SYCE1: variants seen among roughly 807,000 people sequenced by gnomAD.
SYCE1 encodes synaptonemal complex central element protein 1, also known as cancer/testis antigen 76.
SYCE1 carries 37 observed loss-of-function variants against 55.1 expected under a neutral mutation model. That is an observed-to-expected ratio of 0.67 (90% CI 0.52 to 0.88). SYCE1 has a LOEUF of 0.88. SYCE1 is among the 40% of genes least tolerant of loss of function. The pLI is 0.00. For synonymous variants in SYCE1, 163 were observed against 159.4 expected, an observed-to-expected ratio of 1.02 and a Z score of -0.17; for missense variants, 399 against 416.4, an observed-to-expected ratio of 0.96 and a Z score of 0.36.
rs763525580 is a variant in SYCE1, at chr10:133,555,831, G to A, written c.668C>T (p.Ser223Phe). Residue 223 changes from serine (S) to phenylalanine (F), a missense_variant, in exon 10 of 13, where the codon TCC becomes TTC. By Grantham distance (155) the Ser-to-Phe change is radical. Coordinates refer to ENST00000343131, the MANE Select transcript of SYCE1 (RefSeq NM_001143764.3). Reference protein sequence around the residue: ...LCSLCGAEGPSTLDEGLFLRS... With the variant: ...LCSLCGAEGPFTLDEGLFLRS... Reference sequence around the variant, plus strand: ...GAGAAAGAGTCCCTCATCAAGGGTGGAGGGGCCCTCAGCCCCACACAGGGA... The same window carrying A: ...GAGAAAGAGTCCCTCATCAAGGGTGAAGGGGCCCTCAGCCCCACACAGGGA... 3.7e-6 allele frequency: 6 copies of A among 1,613,884 alleles called. No individual in the cohort carries two copies. Among genetic ancestry groups the A allele is most frequent in the Admixed American group, 1.7e-5 (1 of 60,018 alleles).
chr10:133,558,256 T>G, intron 4 of SYCE1, 42 bp from the exon 5 acceptor site: 2 of 1,606,208 alleles, frequency 1.2e-6, no homozygotes, highest in South Asian at 2.2e-5. Flanking sequence ...GACTATGCAC[T>G]GCACCCTCAG....
chr10:133,555,573 C>A, intron 11 of SYCE1, 24 bp downstream of exon 11: 1 of 1,600,980 alleles, frequency 6.2e-7, no homozygotes, highest in Non-Finnish European at 8.5e-7. Flanking sequence ...GTGGGGGTTG[C>A]GGGGACAGGG....
Position 133,558,828 on chromosome 10 carries a change from G to C in SYCE1, c.271+49C>G, listed in dbSNP as rs769307065. The C allele has an allele frequency of 3.8e-6, 6 of 1,582,706 alleles. No individual in the cohort carries two copies. In the African/African-American group the frequency reaches 8.1e-5, roughly 21 times the overall value. ...GATTATCTGGAATACAGGGTTAGGG[G>C]AGGCTTAAGACACTGTGGGGACCTC... is the stretch of plus-strand genomic sequence containing the variant. On this transcript the variant is annotated intron_variant, in intron 4 of 12. Transcript: ENST00000343131.
chr10:133,560,193 C>T (rs760720379), intron 1 of SYCE1, 40 bp from the exon 2 acceptor site: 14 of 1,588,012 alleles, frequency 8.8e-6, no homozygotes, highest in East Asian at 6.7e-5. Flanking sequence ...TCAAGCAGGG[C>T]GAGAGGCCAC....
At chr10:133,567,124 A>G (rs1180888898), upstream of SYCE1, among the ~76,000 whole-genome samples, 1 of 148,400 alleles carries the variant, frequency 6.7e-6, no homozygotes. Flanking sequence ...GGTTGAGGTT[A>G]TGAGTTGAGG....
downstream of SYCE1, chr10:133,554,783 C>T (rs908160183): frequency 2.6e-5 from 38 of 1,470,812 alleles, no homozygotes; most frequent in Non-Finnish European, 2.8e-5. Flanking sequence ...CTCGGGCCTG[C>T]ATCCCTCTGC....
At chr10:133,553,993 GT>G, downstream of SYCE1, 1 of 275,220 alleles carries the variant, frequency 3.6e-6, no homozygotes, top group Non-Finnish European at 6.8e-6. Context: ...ACAATCATTG[GT>G]TGATTTCTTA....
upstream of SYCE1, among the ~76,000 whole-genome samples, chr10:133,567,087 A>C (rs538255253): frequency 3.7e-3 from 562 of 150,038 alleles, 5 homozygotes; most frequent in Middle Eastern, 0.025. Flanking sequence ...GGCTAGCATT[A>C]GGGTAGGGGT....
At chr10:133,555,561 T>G in intron 11 of SYCE1, 36 bp downstream of exon 11, 1 of 1,601,956 alleles carries the variant, frequency 6.2e-7, no homozygotes, top group Non-Finnish European at 8.5e-7. Context: ...GTCATCTTCC[T>G]GGTGGGGGTT....
chr10:133,554,885 C>T lies in SYCE1; in HGVS notation c.*107G>A. ...GCATTTATTGAAAACCTGTGATGTA[C>T]CTCTGGCCCAGACCAAGAGGCAGAG... On this transcript the variant is annotated 3_prime_UTR_variant, in exon 13 of 13. Transcript: ENST00000343131. The T allele has an allele frequency of 1.4e-6, 2 of 1,460,838 alleles. No individual in the cohort carries two copies. Among genetic ancestry groups the T allele is most frequent in the Non-Finnish European group, 9.0e-7 (1 of 1,106,232 alleles). 90.5% of individuals were successfully genotyped at this position (1,460,838 alleles called of 1,614,324 possible).
chr10:133,557,997 T>A (rs189399473), intron 5 of SYCE1, 79 bp from the exon 6 acceptor site: 1 of 1,573,026 alleles, frequency 6.4e-7, no homozygotes, highest in Non-Finnish European at 8.7e-7. Context: ...CCAGATCATG[T>A]CAGGTCTGTG....
At chr10:133,565,617 A>G, upstream of SYCE1, 2 of 1,368,700 alleles carry the variant, frequency 1.5e-6, no homozygotes, top group Non-Finnish European at 2.0e-6. Context: ...GACTCCAGGC[A>G]GCGCGCCTGC....
chr10:133,566,079 G>A (rs1414596714), upstream of SYCE1, among the ~76,000 whole-genome samples: 1 of 152,216 alleles, frequency 6.6e-6, no homozygotes, highest in Non-Finnish European at 1.5e-5. Context: ...CCTAGGCCGC[G>A]TTCCCGTGAG....
rs1217044039 is a variant in SYCE1, at chr10:133,557,072, C to T, written c.459G>A (p.Gln153=). 1.2e-6 allele frequency: 2 copies of T among 1,614,044 alleles called. No individual in the cohort carries two copies. The highest frequency in any genetic ancestry group is 3.3e-5 in the Admixed American group (2 of 60,028). The change falls in exon 7 of 13, where the codon CAG becomes CAA. Residue 153 remains glutamine (Q), a synonymous_variant. Coordinates refer to ENST00000343131, the MANE Select transcript of SYCE1 (RefSeq NM_001143764.3). ...CCTCAGATGCTAAGGTTTACCTCAGCTGTCTCTGTTTGTTCTTCTCTTCTT... is the reference window on the plus strand; with the variant it reads ...CCTCAGATGCTAAGGTTTACCTCAGTTGTCTCTGTTTGTTCTTCTCTTCTT... ...QIEEEKNKQR[Q]LRLAFEEQLE... is the part of the protein sequence containing the mutation.
upstream of SYCE1, chr10:133,565,663 T>A: frequency 1.2e-6 from 1 of 834,096 alleles, no homozygotes; most frequent in Admixed American, 3.1e-5. Context: ...AGATGTGAGG[T>A]AATTCTCCGG....
chr10:133,558,760 A>C lies in SYCE1; in HGVS notation c.271+117T>G, dbSNP rs1289014340. 6.2e-6 allele frequency: 6 copies of C among 960,284 alleles called. No homozygotes were observed. The African/African-American group carries it at 8.2e-5, about 13-fold the overall frequency. 59.5% of individuals were successfully genotyped at this position (960,284 alleles called of 1,614,324 possible). A position where few individuals can be genotyped will look rare whatever the true frequency, so the allele number is the denominator to read the frequency against. On this transcript the variant is annotated intron_variant, in intron 4 of 12. Coordinates refer to ENST00000343131, the MANE Select transcript of SYCE1 (RefSeq NM_001143764.3). ...GAGAGGGGGAGATTGGCAGGACATG[A>C]GGCTAGAGAGGGTACAGGACCCTTG...
At chr10:133,554,346 C>G (rs115149117), downstream of SYCE1, 5 of 1,613,500 alleles carry the variant, frequency 3.1e-6, no homozygotes, top group Non-Finnish European at 4.2e-6. Flanking sequence ...GAAAAGGGAT[C>G]GCTTTGTCAT....
In SYCE1 at chr10:133,559,379, G is replaced by A; in HGVS notation, c.137-19C>T. ...CTTCCCACTGCACGGAGGAAAGGAG[G>A]TTGAGTTGACAGGGCAGGCAGAGTT... On this transcript the variant is annotated intron_variant, in intron 2 of 12. Transcript: ENST00000343131. The A allele has an allele frequency of 6.2e-7, 1 of 1,613,744 alleles. No individual in the cohort carries two copies. The highest frequency in any genetic ancestry group is 1.1e-5 in the South Asian group (1 of 91,062).
Position 133,560,129 on chromosome 10 carries a change from A to G in SYCE1, c.98T>C (p.Ile33Thr). 1 of 1,613,962 alleles carries G rather than the reference A, an allele frequency of 6.2e-7. No individual in the cohort carries two copies. The highest frequency in any genetic ancestry group is 8.5e-7 in the Non-Finnish European group (1 of 1,179,984). ...TTGCACCATTTCCATCAAGTCTTCA[A>G]TTTTCTGTGAGGACGTGTCCTGCCC... ...AGGQDTSSQK[I>T]EDLMEMVQKL... Residue 33 changes from isoleucine (I) to threonine (T), a missense_variant, in exon 2 of 13, where the codon ATT (isoleucine) becomes ACT (threonine). Coordinates refer to ENST00000343131, the MANE Select transcript of SYCE1 (RefSeq NM_001143764.3).
Sources: gnomAD v4.1 joint callset for allele counts (sites outside exome capture counted in the v4.1 genomes callset) on GRCh38, gnomAD v4.1.1 for gene constraint, MANE v1.5 for transcripts, NCBI Gene and HGNC (gene_info 2026-07-23, HGNC 2026-07-21) for gene names.